Variants in TMPRSS15 observed in about 807,000 individuals in gnomAD.
TMPRSS15 encodes the protein enteropeptidase.
A neutral mutation model predicts 125.3 loss-of-function variants in TMPRSS15; 128 were observed. That is an observed-to-expected ratio of 1.02 (90% CI 0.89 to 1.18). The LOEUF is 1.18. Ranked by LOEUF, TMPRSS15 falls within the 50% of genes most tolerant of loss-of-function variation. The pLI is 0.00. For missense variants in TMPRSS15, 1,283 were observed against 1,212.7 expected, an observed-to-expected ratio of 1.06 and a Z score of -0.86; for synonymous variants, 446 against 423.2, an observed-to-expected ratio of 1.05 and a Z score of -0.66.
chr21:18,375,005 G>A (rs1243274962), intron 5 of TMPRSS15, among the ~76,000 whole-genome samples: 1 of 152,196 alleles, frequency 6.6e-6, no homozygotes. Flanking sequence ...TGAACAAATT[G>A]TGGGGTTAGA....
At chr21:18,402,463 A>T (rs2076103806) in intron 1 of TMPRSS15, among the ~76,000 whole-genome samples, 2 of 135,872 alleles carry the variant, frequency 1.5e-5, no homozygotes, top group African/African-American at 2.7e-5. Flanking sequence ...CAGGAGGTGG[A>T]GGTTGCAGTG....
chr21:18,414,567 G>C (rs1007058302), intron 1 of TMPRSS15, among the ~76,000 whole-genome samples: 2 of 152,124 alleles, frequency 1.3e-5, no homozygotes, highest in Non-Finnish European at 2.9e-5. Flanking sequence ...CTATGAGTTT[G>C]ACTATTGTAG....
At chr21:18,359,074 A>C (rs558190055) in intron 8 of TMPRSS15, among the ~76,000 whole-genome samples, 1 of 152,012 alleles carries the variant, frequency 6.6e-6, no homozygotes, top group South Asian at 2.1e-4. Flanking sequence ...CCTCATCCTC[A>C]CTTTATTTCC....
chr21:18,295,998 C>A (rs549988393), intron 19 of TMPRSS15, among the ~76,000 whole-genome samples: 255 of 152,008 alleles, frequency 1.7e-3, no homozygotes, highest in Non-Finnish European at 3.3e-3. Context: ...TAAAAATACA[C>A]AAAAATTAGC....
intron 1 of TMPRSS15, among the ~76,000 whole-genome samples, chr21:18,414,243 T>A (rs1601454716): frequency 6.6e-6 from 1 of 152,130 alleles, no homozygotes; most frequent in Non-Finnish European, 1.5e-5. Flanking sequence ...ATTTGATGAG[T>A]TCAGACAAAT....
chr21:18,371,030 T>A (rs1176818316), intron 6 of TMPRSS15, among the ~76,000 whole-genome samples: 2 of 152,114 alleles, frequency 1.3e-5, no homozygotes, highest in East Asian at 3.9e-4. Flanking sequence ...TACTGTTAAA[T>A]AAAACAAAAT....
intron 3 of TMPRSS15, among the ~76,000 whole-genome samples, chr21:18,393,722 A>G (rs1362060566): frequency 6.6e-6 from 1 of 152,172 alleles, no homozygotes; most frequent in Non-Finnish European, 1.5e-5. Flanking sequence ...TTATACCTTA[A>G]TCATCACATA....
chr21:18,344,183 A>G, intron 10 of TMPRSS15, 123 bp from the exon 11 acceptor site: 1 of 833,366 alleles, frequency 1.2e-6, no homozygotes. Context: ...ATATTTTAAT[A>G]TAGTGGACAG....
chr21:18,467,857 G>A (rs180801920), intron 1 of TMPRSS15, among the ~76,000 whole-genome samples: 18 of 152,134 alleles, frequency 1.2e-4, no homozygotes, highest in Admixed American at 3.3e-4. Flanking sequence ...GAAAATAAAC[G>A]GGAGATTATG....
chr21:18,387,225 T>TA (rs939488470), intron 3 of TMPRSS15, among the ~76,000 whole-genome samples: 6 of 151,808 alleles, frequency 4.0e-5, no homozygotes, highest in Admixed American at 2.6e-4. Flanking sequence ...TCCTTTAGGT[T>TA]AAAAAAAATG....
chr21:18,479,503 C>T (rs530053288), intron 1 of TMPRSS15, among the ~76,000 whole-genome samples: 1 of 151,896 alleles, frequency 6.6e-6, no homozygotes, highest in East Asian at 1.9e-4. Context: ...ATAGTCAATT[C>T]CAGCCTTTAG....
At chr21:18,370,049 G>T (rs899419466) in intron 6 of TMPRSS15, among the ~76,000 whole-genome samples, 1 of 150,330 alleles carries the variant, frequency 6.7e-6, no homozygotes, top group Non-Finnish European at 1.5e-5. Context: ...GACATGAAAG[G>T]CTGGTCACTA....
Position 18,275,321 on chromosome 21 carries a change from A to G in TMPRSS15, c.2780T>C (p.Ile927Thr). The G allele has an allele frequency of 6.2e-7, 1 of 1,613,990 alleles. No homozygotes were observed. ...TVVYQGTTAN[I>T]LQEADVPLLS... ...AAGAGGAACATCAGCTTCTTGCAAT[A>G]TGTTTGCAGTAGTACCTGCTCAAAA... Residue 927 changes from isoleucine (I) to threonine (T), a missense_variant, in exon 24 of 25, where the codon ATA becomes ACA. Ile to Thr is a moderately conservative substitution (Grantham distance 89). Transcript: ENST00000284885.
intron 1 of TMPRSS15, among the ~76,000 whole-genome samples, chr21:18,480,631 T>A (rs1043940100): frequency 6.6e-6 from 1 of 151,834 alleles, no homozygotes; most frequent in Non-Finnish European, 1.5e-5. Flanking sequence ...CTTACCTATA[T>A]GCTCTCACCT....
In TMPRSS15 at chr21:18,429,366, G is replaced by T. The variant is rs570370532; in HGVS notation, c.11-31037C>A. On this transcript the variant is annotated intron_variant, in intron 1 of 7. Coordinates refer to the TMPRSS15 transcript ENST00000422787. ...GGGAAGGCATGATTGGTTTTGAAAT[G>T]TGGGGACATGAGATTTGGAGGGGCC... 3.3e-5 allele frequency among the ~76,000 whole-genome samples: 5 copies of T among 152,270 alleles called. No homozygotes were observed. In the South Asian group the frequency reaches 1.0e-3, roughly 32 times the overall value.
chr21:18,371,707 C>A (rs1318491262), intron 6 of TMPRSS15, among the ~76,000 whole-genome samples: 2 of 151,926 alleles, frequency 1.3e-5, no homozygotes, highest in African/African-American at 2.4e-5. Flanking sequence ...AAGGAACAGT[C>A]AAAATTTTAA....
chr21:18,271,373 T>A (rs1487109124), intron 24 of TMPRSS15, among the ~76,000 whole-genome samples: 1 of 152,170 alleles, frequency 6.6e-6, no homozygotes, highest in East Asian at 1.9e-4. Context: ...TCTAAAACAA[T>A]TTAATTTTTT....
chr21:18,413,272 C>CTTTT (rs1189653784), intron 1 of TMPRSS15, among the ~76,000 whole-genome samples: 20 of 99,662 alleles, frequency 2.0e-4, no homozygotes, highest in African/African-American at 7.2e-4. Context: ...CTTTCTCTTT[C>CTTTT]TTTTTCTTTT....
At chr21:18,426,087 C>G (rs1287182629) in intron 1 of TMPRSS15, among the ~76,000 whole-genome samples, 1 of 152,048 alleles carries the variant, frequency 6.6e-6, no homozygotes, top group Non-Finnish European at 1.5e-5. Flanking sequence ...TCTTCCTTTT[C>G]TTTTCCAGCT....
Sources: allele counts gnomAD v4.1 joint callset (sites outside exome capture counted in the v4.1 genomes callset), GRCh38; gene constraint gnomAD v4.1.1; transcripts MANE v1.5; gene names NCBI Gene and HGNC (gene_info 2026-07-23, HGNC 2026-07-21).